PRIM2: variants seen among roughly 807,000 people sequenced by gnomAD.
PRIM2 encodes DNA primase large subunit.
In PRIM2, 39 loss-of-function variants were observed where a neutral mutation model predicts 67.3. That is an observed-to-expected ratio of 0.58 (90% CI 0.45 to 0.76). The LOEUF is 0.76. Among genes scored for constraint, PRIM2 ranks in the 30% least tolerant of loss-of-function variants. PRIM2 has a pLI of 0.00. For synonymous variants in PRIM2, 143 were observed against 198.7 expected, an observed-to-expected ratio of 0.72 and a Z score of 2.36; for missense variants, 398 against 598.7, an observed-to-expected ratio of 0.66 and a Z score of 3.50.
At chr6:57,428,851 T>TA (rs1414433349) in intron 7 of PRIM2, among the ~76,000 whole-genome samples, 1 of 152,226 alleles carries the variant, frequency 6.6e-6, no homozygotes, top group Non-Finnish European at 1.5e-5. Context: ...TAGTGTTAAC[T>TA]AAACTACAGA....
chr6:57,360,157 A>G (rs994271), intron 5 of PRIM2, among the ~76,000 whole-genome samples: 4 of 152,202 alleles, frequency 2.6e-5, no homozygotes, highest in Non-Finnish European at 5.9e-5. Flanking sequence ...GCTAAATTCA[A>G]TTTAGCTCAG....
chr6:57,293,278 A>G, the PRIM2 span, among the ~76,000 whole-genome samples: 2 of 152,246 alleles, frequency 1.3e-5, no homozygotes, highest in African/African-American at 4.8e-5. Flanking sequence ...AATCAAAACC[A>G]CAGTGAGATA....
intron 5 of PRIM2, among the ~76,000 whole-genome samples, chr6:57,329,788 G>C (rs1424039327): frequency 3.3e-5 from 5 of 152,116 alleles, no homozygotes; most frequent in Non-Finnish European, 5.9e-5. Context: ...ACAGCAGCGT[G>C]AGAACAGACT....
chr6:57,369,132 G>A (rs1464931007), intron 5 of PRIM2, among the ~76,000 whole-genome samples: 1 of 152,154 alleles, frequency 6.6e-6, no homozygotes, highest in Non-Finnish European at 1.5e-5. Context: ...GAGGGACTCA[G>A]TACAGGGTGA....
At chr6:57,302,884 G>A in the PRIM2 span, among the ~76,000 whole-genome samples, 2 of 152,228 alleles carry the variant, frequency 1.3e-5, no homozygotes, top group African/African-American at 4.8e-5. Context: ...TACTGCAGGT[G>A]CATTTATTCT....
chr6:57,337,269 T>G (rs928661278), intron 5 of PRIM2, among the ~76,000 whole-genome samples: 1 of 152,082 alleles, frequency 6.6e-6, no homozygotes, highest in African/African-American at 2.4e-5. Flanking sequence ...TGGGAGATTT[T>G]AACACCCCAC....
Position 57,537,480 on chromosome 6 carries a change from A to G in PRIM2, c.875A>G (p.His292Arg), listed in dbSNP as rs1214326201. The G allele has an allele frequency of 4.4e-5, 67 of 1,516,976 alleles. No individual in the cohort carries two copies. In the Admixed American group the frequency reaches 7.6e-4, roughly 17 times the overall value. 94.0% of individuals were successfully genotyped at this position (1,516,976 alleles called of 1,614,324 possible). ...TTCCCACCTTGCATGCGTCAGTTAC[A>G]TAAAGCCTTGCGGGAAAATCACCAT... ...KSFPPCMRQLHKALRENHHLR... is the reference protein window; with the variant it reads ...KSFPPCMRQLRKALRENHHLR... Residue 292 changes from histidine (H) to arginine (R), a missense_variant, in exon 10 of 14, where the codon CAT (histidine) becomes CGT (arginine). By Grantham distance (29) the His-to-Arg change is conservative (BLOSUM62 0). Around this residue, in one of 4 missense-constraint regions of PRIM2, gnomAD observed 229 missense variants for 383.6 expected, o/e 0.60. Transcript: ENST00000615550.
At chr6:57,593,103 C>T (rs1448932273) in intron 10 of PRIM2, among the ~76,000 whole-genome samples, 2 of 152,026 alleles carry the variant, frequency 1.3e-5, no homozygotes, top group Non-Finnish European at 2.9e-5. Context: ...AAGTAACTTA[C>T]TGCTGTCTTT....
intron 5 of PRIM2, among the ~76,000 whole-genome samples, chr6:57,338,414 A>T (rs1768347101): frequency 6.6e-6 from 1 of 151,964 alleles, no homozygotes; most frequent in South Asian, 2.1e-4. Context: ...AAAAAAGAGA[A>T]TTTGAGACCA....
At chr6:57,327,841 A>G (rs1487534941) in intron 5 of PRIM2, among the ~76,000 whole-genome samples, 2 of 152,178 alleles carry the variant, frequency 1.3e-5, no homozygotes, top group African/African-American at 4.8e-5. Context: ...GACTGGTTTC[A>G]TGGAAGACAA....
chr6:57,551,917 T>C (rs1775412018), intron 10 of PRIM2, among the ~76,000 whole-genome samples: 1 of 152,210 alleles, frequency 6.6e-6, no homozygotes, highest in Admixed American at 6.5e-5. Flanking sequence ...TTGGCATTTT[T>C]CTTGTCATAT....
At chr6:57,462,241 G>T (rs1773032813) in intron 7 of PRIM2, among the ~76,000 whole-genome samples, 1 of 152,200 alleles carries the variant, frequency 6.6e-6, no homozygotes, top group East Asian at 1.9e-4. Flanking sequence ...GGTATAAAAT[G>T]ATGAAGGTAT....
In PRIM2 at chr6:57,481,387, T is replaced by C. The variant is rs1243179444; in HGVS notation, c.694-26000T>C. Among the ~76,000 whole-genome samples the C allele has an allele frequency of 1.2e-3, 176 of 152,294 alleles. 2 individuals are homozygous for C. The highest frequency in any genetic ancestry group is 2.2e-4 in the Non-Finnish European group (15 of 68,026). ...TTTAAGATTGGCTGTTTTGTTGTTG[T>C]TGTTCAGGATAATGCCCTGGAGATC... On this transcript the variant is annotated intron_variant, in intron 7 of 13. Coordinates refer to ENST00000615550, the MANE Select transcript of PRIM2 (RefSeq NM_000947.5).
At chr6:57,341,145 G>T (rs908590054) in intron 5 of PRIM2, among the ~76,000 whole-genome samples, 1 of 152,146 alleles carries the variant, frequency 6.6e-6, no homozygotes, top group Non-Finnish European at 1.5e-5. Flanking sequence ...CCAGTGTGGT[G>T]TTATACAGCT....
At chr6:57,637,918 CAAG>C (rs1777153339) in intron 13 of PRIM2, among the ~76,000 whole-genome samples, 1 of 152,106 alleles carries the variant, frequency 6.6e-6, no homozygotes, top group East Asian at 1.9e-4. Context: ...AGATACTCCT[CAAG>C]AAGAACAACC....
At chr6:57,564,072 T>C (rs1775691181) in intron 10 of PRIM2, among the ~76,000 whole-genome samples, 1 of 152,232 alleles carries the variant, frequency 6.6e-6, no homozygotes, top group Non-Finnish European at 1.5e-5. Context: ...GACATAATTA[T>C]GTAGATTTAA....
chr6:57,598,417 C>T (rs1251785854), intron 10 of PRIM2, among the ~76,000 whole-genome samples: 1 of 152,124 alleles, frequency 6.6e-6, no homozygotes, highest in Admixed American at 6.5e-5. Context: ...ATGGGACACC[C>T]ACCCTAACCC....
At chr6:57,436,386 G>A (rs1432980122) in intron 7 of PRIM2, among the ~76,000 whole-genome samples, 1 of 152,206 alleles carries the variant, frequency 6.6e-6, no homozygotes, top group Admixed American at 6.5e-5. Flanking sequence ...GTGAACTGCA[G>A]ATGCCATCAA....
intron 10 of PRIM2, among the ~76,000 whole-genome samples, chr6:57,574,178 C>T (rs1282274668): frequency 5.3e-5 from 8 of 152,150 alleles, no homozygotes; most frequent in African/African-American, 1.9e-4. Flanking sequence ...GGTGCCAATC[C>T]AGCTTGTCTT....
Sources: allele counts gnomAD v4.1 joint callset (sites outside exome capture counted in the v4.1 genomes callset), GRCh38; gene constraint gnomAD v4.1.1; regional missense constraint gnomAD v4.1.1; transcripts MANE v1.5; gene names NCBI Gene and HGNC (gene_info 2026-07-23, HGNC 2026-07-21).